The following EPB41L5 variants were observed in gnomAD, a reference collection of about 807,000 sequenced individuals.
The protein encoded by EPB41L5 is band 4.1-like protein 5.
A neutral mutation model predicts 106.6 loss-of-function variants in EPB41L5; 55 were observed. The observed-to-expected ratio is 0.52, with a 90% CI of 0.42 to 0.65. EPB41L5 has a LOEUF of 0.65. Among genes scored for constraint, EPB41L5 ranks in the 30% least tolerant of loss-of-function variants. EPB41L5 has a pLI of 0.00. For missense variants in EPB41L5, 871 were observed against 882.1 expected, an observed-to-expected ratio of 0.99 and a Z score of 0.16; for synonymous variants, 297 against 306.7, an observed-to-expected ratio of 0.97 and a Z score of 0.33.
rs879058790 is a variant in EPB41L5, at chr2:120,101,002, C to T, written c.1337+188C>T. On this transcript the variant is annotated intron_variant, in intron 16 of 24. Transcript: ENST00000263713. The stretch of plus-strand genomic sequence containing the variant: ...AAGGATGTTGGTGATAAAGGGAGTG[C>T]AGTTGTCTAAATGAAGACCATCAGA... 2.0e-5 allele frequency among the ~76,000 whole-genome samples: 3 copies of T among 152,124 alleles called. No individual in the cohort carries two copies. In the South Asian group the frequency reaches 6.2e-4, roughly 31 times the overall value.
chr2:120,031,917 C>G (rs1678737404), intron 2 of EPB41L5, among the ~76,000 whole-genome samples: 1 of 152,060 alleles, frequency 6.6e-6, no homozygotes, highest in South Asian at 2.1e-4. Context: ...AGGAGGATTG[C>G]TTGAGGCCAG....
intron 22 of EPB41L5, among the ~76,000 whole-genome samples, chr2:120,165,787 G>T (rs954460111): frequency 2.0e-5 from 3 of 152,012 alleles, no homozygotes; most frequent in Non-Finnish European, 2.9e-5. Context: ...GGCCAACATG[G>T]TGAAACCCTG....
intron 19 of EPB41L5, among the ~76,000 whole-genome samples, chr2:120,145,271 A>T (rs1242662731): frequency 1.4e-4 from 22 of 152,264 alleles, no homozygotes; most frequent in Non-Finnish European, 8.8e-5. Flanking sequence ...CACAGATGTT[A>T]GTACATGAAT....
chr2:120,046,504 G>T (rs10451613), intron 3 of EPB41L5, among the ~76,000 whole-genome samples: 35,249 of 142,742 alleles, frequency 0.25, 4,368 homozygotes, highest in South Asian at 0.36. Context: ...TGATGGGGTT[G>T]TTTTTTTTTT....
At position 120,048,599 on chromosome 2, in the gene EPB41L5, C is replaced by A. The variant is rs575935584; in HGVS notation, c.285+6489C>A. Among the ~76,000 whole-genome samples, 56 of 152,086 alleles carry A rather than the reference C, an allele frequency of 3.7e-4. 1 individual carries two copies. The South Asian group carries it at 0.011, about 29-fold the overall frequency. On this transcript the variant is annotated intron_variant, in intron 3 of 24. Transcript: ENST00000263713. Reference sequence around the variant, plus strand: ...ATTTTGTTGATCTTTTAAAAAAAAACAGCTCCTGCATTGATTGATTTTTTT... The same window carrying A: ...ATTTTGTTGATCTTTTAAAAAAAAAAAGCTCCTGCATTGATTGATTTTTTT...
intron 3 of EPB41L5, among the ~76,000 whole-genome samples, chr2:120,060,783 G>T (rs1422196855): frequency 1.3e-5 from 2 of 152,092 alleles, no homozygotes; most frequent in Non-Finnish European, 2.9e-5. Context: ...TTCTAATATT[G>T]TACTGTAGTT....
chr2:120,142,036 G>A (rs896618928), intron 18 of EPB41L5, among the ~76,000 whole-genome samples: 2 of 150,314 alleles, frequency 1.3e-5, no homozygotes, highest in South Asian at 2.1e-4. Context: ...TTGAGATGCC[G>A]TGATTCTAGG....
intron 16 of EPB41L5, among the ~76,000 whole-genome samples, chr2:120,109,094 A>G (rs1558882650): frequency 6.6e-6 from 1 of 152,104 alleles, no homozygotes; most frequent in Non-Finnish European, 1.5e-5. Context: ...GGTCTTCTTT[A>G]TACACAGCCA....
At chr2:120,154,758 C>T (rs1028260768) in intron 20 of EPB41L5, among the ~76,000 whole-genome samples, 4 of 151,920 alleles carry the variant, frequency 2.6e-5, no homozygotes, top group Non-Finnish European at 5.9e-5. Flanking sequence ...AACCCCGTCT[C>T]TGCTAAAAAT....
intron 2 of EPB41L5, 132 bp from the exon 3 acceptor site, chr2:120,041,874 C>T (rs1679427695): frequency 3.7e-6 from 2 of 540,800 alleles, no homozygotes; most frequent in South Asian, 6.6e-5. Flanking sequence ...CATTATCTGC[C>T]ACATGCTAAT....
intron 16 of EPB41L5, chr2:120,105,051 G>C: frequency 1.0e-6 from 1 of 983,434 alleles, no homozygotes; most frequent in Non-Finnish European, 1.2e-6. Flanking sequence ...GATTACCCAG[G>C]TTTGCAACAG....
intron 20 of EPB41L5, among the ~76,000 whole-genome samples, chr2:120,148,736 CATTT>C (rs1686524889): frequency 6.6e-6 from 1 of 152,154 alleles, no homozygotes. Context: ...AGATATACAA[CATTT>C]ATTTATCCAT....
intron 21 of EPB41L5, among the ~76,000 whole-genome samples, chr2:120,164,498 C>T (rs1016389979): frequency 2.6e-5 from 4 of 152,244 alleles, no homozygotes; most frequent in African/African-American, 9.6e-5. Flanking sequence ...AGGTGTGAGC[C>T]ACTGCATCCA....
chr2:120,127,930 A>G, intron 17 of EPB41L5, 79 bp downstream of exon 17: 2 of 1,326,778 alleles, frequency 1.5e-6, no homozygotes, highest in East Asian at 2.5e-5. Context: ...AGCTTCTCCA[A>G]TAATATTTTT....
chr2:120,101,864 CT>C (rs1684162861), intron 16 of EPB41L5, among the ~76,000 whole-genome samples: 1 of 152,066 alleles, frequency 6.6e-6, no homozygotes, highest in Non-Finnish European at 1.5e-5. Context: ...CCATTTTCTC[CT>C]TTTTATTTTC....
intron 16 of EPB41L5, among the ~76,000 whole-genome samples, chr2:120,113,018 A>G (rs1684790146): frequency 6.6e-6 from 1 of 152,102 alleles, no homozygotes; most frequent in Non-Finnish European, 1.5e-5. Context: ...AAAGGAATGT[A>G]ATAATTCTAT....
chr2:120,140,748 G>A (rs72841640), intron 18 of EPB41L5, among the ~76,000 whole-genome samples: 4,047 of 152,040 alleles, frequency 0.027, 61 homozygotes, highest in Middle Eastern at 0.034. Flanking sequence ...TTAGTCCCAA[G>A]CACTTTGGAA....
At chr2:120,022,226 C>T (rs1178294735) in intron 2 of EPB41L5, among the ~76,000 whole-genome samples, 1 of 151,992 alleles carries the variant, frequency 6.6e-6, no homozygotes, top group East Asian at 1.9e-4. Context: ...GATACATGTG[C>T]AGAACGTGCA....
chr2:120,026,056 G>T (rs1210342691), intron 2 of EPB41L5, among the ~76,000 whole-genome samples: 1 of 152,124 alleles, frequency 6.6e-6, no homozygotes, highest in Non-Finnish European at 1.5e-5. Context: ...CGGTACTTGG[G>T]GAAGTGGGAT....
Sources: gnomAD v4.1 joint callset for allele counts (sites outside exome capture counted in the v4.1 genomes callset) on GRCh38, gnomAD v4.1.1 for gene constraint, MANE v1.5 for transcripts, NCBI Gene and HGNC (gene_info 2026-07-23, HGNC 2026-07-21) for gene names.